Variants in SLC22A17 observed in about 807,000 individuals in gnomAD.
SLC22A17 encodes solute carrier family 22 member 17.
In SLC22A17, 38 loss-of-function variants were observed where a neutral mutation model predicts 53.6. The observed-to-expected ratio is 0.71, with a 90% CI of 0.55 to 0.93. The LOEUF is 0.93. SLC22A17 is among the 40% of genes least tolerant of loss of function. SLC22A17 has a pLI of 0.00. For synonymous variants in SLC22A17, 379 were observed against 353.0 expected (o/e 1.07, Z -0.82); for missense variants, 704 against 791.0 (o/e 0.89, Z 1.32).
At chr14:23,346,469 G>A in exon 10 of SLC22A17, 1 of 755,690 alleles carries the variant, frequency 1.3e-6, no homozygotes, top group Non-Finnish European at 2.0e-6. Flanking sequence ...GGCCAAGGAA[G>A]TGAATGCAAA....
At position 23,348,811 on chromosome 14, in the gene SLC22A17, C is replaced by CCACCCAGAGGT; in HGVS notation, c.860-141_860-140insACCTCTGGGTG. On this transcript the variant is annotated intron_variant, in intron 4 of 9. Coordinates refer to ENST00000397267, the Ensembl canonical transcript of SLC22A17. The surrounding 1 kb of genome is among the most constrained non-coding windows in gnomAD (Gnocchi z 4.5). Reference sequence around the variant, plus strand: ...GAGGCTGCAGCCATTGCCTCCCTTGCTAACCTCTGGGTGGCAAGGACTGGG... The same window carrying CCACCCAGAGGT: ...GAGGCTGCAGCCATTGCCTCCCTTGCCACCCAGAGGTTAACCTCTGGGTGGCAAGGACTGGG... The CCACCCAGAGGT allele has an allele frequency of 1.1e-6, 1 of 905,412 alleles. No homozygotes were observed. Among genetic ancestry groups the CCACCCAGAGGT allele is most frequent in the Non-Finnish European group, 1.6e-6 (1 of 614,872 alleles). 56.1% of individuals were successfully genotyped at this position (905,412 alleles called of 1,614,324 possible). A position where few individuals can be genotyped will look rare whatever the true frequency, so the allele number is the denominator to read the frequency against.
chr14:23,349,492 C>A (rs1595010939), intron 3 of SLC22A17, 66 bp from the exon 4 acceptor site: 7 of 1,528,744 alleles, frequency 4.6e-6, no homozygotes, highest in Non-Finnish European at 6.2e-6. Flanking sequence ...CTGGGTAAGA[C>A]CCAGCTGCAC....
rs182944741 is a variant in SLC22A17 at position 23,349,498 on chromosome 14, T to C, written c.705-72A>G. On this transcript the variant is annotated intron_variant, in intron 3 of 9. Coordinates refer to ENST00000397267, the Ensembl canonical transcript of SLC22A17. ...GGAAAGTTGCTGGGTAAGACCCAGC[T>C]GCACACTTCAGAGCTAGAGGTATGA... The C allele has an allele frequency of 2.5e-4, 378 of 1,506,776 alleles. 1 individual carries two copies. Among genetic ancestry groups the C allele is most frequent in the Admixed American group, 1.2e-3 (59 of 49,192 alleles). 93.3% of individuals were successfully genotyped at this position (1,506,776 alleles called of 1,614,324 possible). A position where few individuals can be genotyped will look rare whatever the true frequency, so the allele number is the denominator to read the frequency against.
exon 10 of SLC22A17, chr14:23,346,782 C>T (rs1178837585): frequency 6.5e-7 from 1 of 1,543,038 alleles, no homozygotes; most frequent in Non-Finnish European, 8.7e-7. Flanking sequence ...CGCTTGGTCT[C>T]CGGCAGCAGC....
intron 3 of SLC22A17, among the ~76,000 whole-genome samples, chr14:23,350,358 T>C (rs766688916): frequency 6.6e-6 from 1 of 151,938 alleles, no homozygotes; most frequent in African/African-American, 2.4e-5. Context: ...AGTGGGGACA[T>C]AGACATGGGT....
In SLC22A17 at chr14:23,352,500, G is replaced by A. The variant is rs749015197; in HGVS notation, c.97-49C>T. The A allele has an allele frequency of 9.4e-6, 4 of 425,532 alleles. No homozygotes were observed. Among genetic ancestry groups the A allele is most frequent in the South Asian group, 1.6e-4 (2 of 12,230 alleles). 26.4% of individuals were successfully genotyped at this position (425,532 alleles called of 1,614,324 possible). On this transcript the variant is annotated intron_variant, in intron 1 of 9. Transcript: ENST00000397267. The surrounding 1 kb of genome is among the most constrained non-coding windows in gnomAD (Gnocchi z 7.2). ...GGAGAAGGGTGAAGCGGAGGAAACC[G>A]CAGAGCAAGGGCAGGGGGCAGGTGG... is the stretch of plus-strand genomic sequence containing the variant.
chr14:23,347,283 C>T lies in SLC22A17; in HGVS notation c.1550-71G>A. The T allele has an allele frequency of 6.7e-7, 1 of 1,495,878 alleles. No homozygotes were observed. Among genetic ancestry groups the T allele is most frequent in the Non-Finnish European group, 9.1e-7 (1 of 1,099,228 alleles). 92.7% of individuals were successfully genotyped at this position (1,495,878 alleles called of 1,614,324 possible). On this transcript the variant is annotated intron_variant, in intron 8 of 9. Coordinates refer to ENST00000397267, the Ensembl canonical transcript of SLC22A17. The surrounding 1 kb of genome is among the most constrained non-coding windows in gnomAD (Gnocchi z 5.1). ...GGCTGGCCTAGTCCCGGGTGTCATC[C>T]CCTTGGCTCTCTGTTCCCATGGCTC...
chr14:23,349,536 G>A, intron 3 of SLC22A17, 110 bp from the exon 4 acceptor site: 1 of 1,311,040 alleles, frequency 7.6e-7, no homozygotes, highest in African/African-American at 1.5e-5. Flanking sequence ...ATGAAGTTCT[G>A]GGAGCAAGAG....
chr14:23,352,274 C>T lies in SLC22A17; in HGVS notation c.274G>A (p.Gly92Ser). 1.4e-6 allele frequency: 2 copies of T among 1,414,864 alleles called. No individual in the cohort carries two copies. Among genetic ancestry groups the T allele is most frequent in the Non-Finnish European group, 9.2e-7 (1 of 1,087,664 alleles). 87.6% of individuals were successfully genotyped at this position (1,414,864 alleles called of 1,614,324 possible). Residue 92 changes from glycine (G) to serine (S), a missense_variant, in exon 2 of 10, where the codon GGC (glycine) becomes AGC (serine). Gly to Ser is a moderately conservative substitution (Grantham distance 56, BLOSUM62 0). This residue lies in a region of SLC22A17 where 31 missense variants were observed against 62.3 expected (regional missense o/e 0.50). Coordinates refer to ENST00000397267, the Ensembl canonical transcript of SLC22A17. This position sits in a 1 kb window ranked among gnomAD's most constrained non-coding sequence, Gnocchi z 7.2. ...AGGCCGAGCTGCAGCTGCTGGCCGC[C>T]GCCCAGCGCCCCCACCTGGGCGAGC...
Position 23,347,063 on chromosome 14 carries a change from G to A in SLC22A17, c.1661+38C>T, listed in dbSNP as rs569673449. On this transcript the variant is annotated intron_variant, in intron 9 of 9. Transcript: ENST00000397267. This position sits in a 1 kb window ranked among gnomAD's most constrained non-coding sequence, Gnocchi z 5.1. Reference sequence around the variant, plus strand: ...TGGGGTGGGGGAGCGGGAGGCGAGGGGGCCCGGCTCTGCCCCTGGGGGCAC... The same window carrying A: ...TGGGGTGGGGGAGCGGGAGGCGAGGAGGCCCGGCTCTGCCCCTGGGGGCAC... The A allele has an allele frequency of 1.3e-6, 2 of 1,576,666 alleles. No homozygotes were observed. Among genetic ancestry groups the A allele is most frequent in the African/African-American group, 2.7e-5 (2 of 74,362 alleles).
Position 23,348,074 on chromosome 14 carries a change from G to C in SLC22A17, c.1172-78C>G. 6.2e-7 allele frequency: 1 copy of C among 1,609,776 alleles called. No homozygotes were observed. Among genetic ancestry groups the C allele is most frequent in the Non-Finnish European group, 8.5e-7 (1 of 1,176,862 alleles). ...CTCCCACATGGGTGGTGGGGACCCT[G>C]GGAGAAGGTGGCACAGCTACAGCCA... On this transcript the variant is annotated intron_variant, in intron 6 of 9. Coordinates refer to ENST00000397267, the Ensembl canonical transcript of SLC22A17. This position sits in a 1 kb window ranked among gnomAD's most constrained non-coding sequence, Gnocchi z 4.5.
chr14:23,352,673 A>T lies in SLC22A17; in HGVS notation c.69T>A (p.Thr23=). ...CGTTGGAGGTGGGGGTGATCTCTAC[A>T]GTGTTGTCGATTTTGCCGCCGCCCC... Residue 23 remains threonine, a synonymous_variant, in exon 1 of 10, where the codon ACT becomes ACA. Coordinates refer to ENST00000397267, the Ensembl canonical transcript of SLC22A17. This position sits in a 1 kb window ranked among gnomAD's most constrained non-coding sequence, Gnocchi z 7.2. 1 of 397,452 alleles carries T rather than the reference A, an allele frequency of 2.5e-6. No individual in the cohort carries two copies. 24.6% of individuals were successfully genotyped at this position (397,452 alleles called of 1,614,324 possible).
chr14:23,347,715 T>A lies in SLC22A17; in HGVS notation c.1294A>T (p.Ile432Phe). The A allele has an allele frequency of 2.5e-6, 4 of 1,613,622 alleles. No individual in the cohort carries two copies. Among genetic ancestry groups the A allele is most frequent in the African/African-American group, 1.3e-5 (1 of 74,968 alleles). Residue 432 changes from isoleucine to phenylalanine, a missense_variant, in exon 8 of 10, where the codon ATT becomes TTT. By Grantham distance (21) the Ile-to-Phe change is conservative (BLOSUM62 0). This residue lies in a region of SLC22A17 where 435 missense variants were observed against 529.0 expected (regional missense o/e 0.82). Transcript: ENST00000397267. The surrounding 1 kb of genome is among the most constrained non-coding windows in gnomAD (Gnocchi z 5.1). ...CCCACAGGCTGGTAGCAGTGGCGAATGGCATGGGCAATGAAGCTGTGAGAA... is the reference window on the plus strand; with the variant it reads ...CCCACAGGCTGGTAGCAGTGGCGAAAGGCATGGGCAATGAAGCTGTGAGAA...
intron 3 of SLC22A17, chr14:23,349,832 G>T (rs560757403): frequency 3.4e-4 from 69 of 204,018 alleles, no homozygotes; most frequent in African/African-American, 9.9e-4. Flanking sequence ...GTGGGAGGGG[G>T]GTTCATTGAT....
chr14:23,350,148 A>T (rs979035577), intron 3 of SLC22A17, among the ~76,000 whole-genome samples: 1 of 152,134 alleles, frequency 6.6e-6, no homozygotes, highest in Non-Finnish European at 1.5e-5. Flanking sequence ...TACTAAAAAT[A>T]CAAAAATTAG....
chr14:23,346,737 G>A, exon 10 of SLC22A17: 1 of 1,545,646 alleles, frequency 6.5e-7, no homozygotes, highest in Non-Finnish European at 8.7e-7. Flanking sequence ...CGGCGACACA[G>A]CTCCCCGTCC....
At position 23,347,289 on chromosome 14, in the gene SLC22A17, G is replaced by A; in HGVS notation, c.1550-77C>T. On this transcript the variant is annotated intron_variant, in intron 8 of 9. Coordinates refer to ENST00000397267, the Ensembl canonical transcript of SLC22A17. This position sits in a 1 kb window ranked among gnomAD's most constrained non-coding sequence, Gnocchi z 5.1. ...CCTAGTCCCGGGTGTCATCCCCTTG[G>A]CTCTCTGTTCCCATGGCTCTAGCTG... 1 of 1,485,706 alleles carries A rather than the reference G, an allele frequency of 6.7e-7. No homozygotes were observed. The highest frequency in any genetic ancestry group is 1.4e-5 in the African/African-American group (1 of 72,504). 92.0% of individuals were successfully genotyped at this position (1,485,706 alleles called of 1,614,324 possible). A position where few individuals can be genotyped will look rare whatever the true frequency, so the allele number is the denominator to read the frequency against.
At position 23,352,321 on chromosome 14, in the gene SLC22A17, C is replaced by T; in HGVS notation, c.227G>A (p.Gly76Asp). The change falls in exon 2 of 10, where the codon GGC (glycine) becomes GAC (aspartate). Residue 76 changes from glycine (G) to aspartate (D), a missense_variant. Coordinates refer to ENST00000397267, the Ensembl canonical transcript of SLC22A17. This position sits in a 1 kb window ranked among gnomAD's most constrained non-coding sequence, Gnocchi z 7.2. ...GAGCAGCGCCTCAAAGCTGAGGGGG[C>T]CTGGGGGCACGGCCAGCGACAGGCT... 2.3e-6 allele frequency: 3 copies of T among 1,278,824 alleles called. No homozygotes were observed. The highest frequency in any genetic ancestry group is 2.0e-6 in the Non-Finnish European group (2 of 980,774). 79.2% of individuals were successfully genotyped at this position (1,278,824 alleles called of 1,614,324 possible).
chr14:23,346,683 C>A (rs755060772), exon 10 of SLC22A17: 6 of 1,524,918 alleles, frequency 3.9e-6, no homozygotes, highest in Non-Finnish European at 5.3e-6. Flanking sequence ...AGCAGCGGGA[C>A]GTGGTCACAG....
Sources: gnomAD v4.1 joint callset for allele counts (sites outside exome capture counted in the v4.1 genomes callset) on GRCh38, gnomAD v4.1.1 for gene constraint, gnomAD v4.1.1 regional missense constraint, Gnocchi (gnomAD v3.1) non-coding constraint, MANE v1.5 for transcripts, NCBI Gene and HGNC (gene_info 2026-07-23, HGNC 2026-07-21) for gene names.